EML6: variants seen among roughly 807,000 people sequenced by gnomAD.
EML6 encodes EMAP like 6.
A neutral mutation model predicts 240.1 loss-of-function variants in EML6; 154 were observed. The ratio of observed to expected loss-of-function variants is 0.64; its 90% CI spans 0.56 to 0.73. EML6 has a LOEUF of 0.73. Among genes scored for constraint, EML6 ranks in the 30% least tolerant of loss-of-function variants. The pLI is 0.00. For missense variants in EML6, 2,964 were observed against 2,474.6 expected, an observed-to-expected ratio of 1.20 and a Z score of -4.20; for synonymous variants, 1,148 against 899.0, an observed-to-expected ratio of 1.28 and a Z score of -4.95.
At chr2:54,925,498 G>A (rs1674495217) in intron 26 of EML6, among the ~76,000 whole-genome samples, 1 of 152,170 alleles carries the variant, frequency 6.6e-6, no homozygotes, top group Admixed American at 6.5e-5. Context: ...AGTTCCGTTT[G>A]TTGGCTGCTA....
intron 31 of EML6, among the ~76,000 whole-genome samples, chr2:54,953,683 T>A (rs1419002846): frequency 1.3e-5 from 2 of 152,218 alleles, no homozygotes; most frequent in African/African-American, 4.8e-5. Context: ...GGTCAGGAGT[T>A]TGAGACCAGC....
intron 5 of EML6, among the ~76,000 whole-genome samples, chr2:54,825,133 T>C (rs1256760187): frequency 6.6e-6 from 1 of 152,154 alleles, no homozygotes. Flanking sequence ...TGTCTGGAAA[T>C]ATTCAGATAA....
At chr2:54,943,018 C>T (rs1235102530) in intron 28 of EML6, among the ~76,000 whole-genome samples, 1 of 152,140 alleles carries the variant, frequency 6.6e-6, no homozygotes, top group African/African-American at 2.4e-5. Context: ...CAGATGGCCA[C>T]CACCAGAGAG....
intron 2 of EML6, among the ~76,000 whole-genome samples, chr2:54,803,619 G>C (rs1670297577): frequency 6.6e-6 from 1 of 152,192 alleles, no homozygotes. Flanking sequence ...TGAGGGAATT[G>C]TTAAGTTAAA....
chr2:54,891,745 A>G (rs1672479040), intron 18 of EML6, among the ~76,000 whole-genome samples: 1 of 152,176 alleles, frequency 6.6e-6, no homozygotes. Flanking sequence ...CAAAATGTGA[A>G]TAAGGTTCTG....
intron 25 of EML6, 111 bp from the exon 26 acceptor site, chr2:54,916,648 A>G (rs1209829421): frequency 4.9e-6 from 4 of 817,774 alleles, no homozygotes; most frequent in Non-Finnish European, 7.2e-6. Flanking sequence ...CACTCAACAC[A>G]AATGCCTAAC....
At chr2:54,866,361 T>A (rs1011049208) in intron 13 of EML6, among the ~76,000 whole-genome samples, 2 of 152,184 alleles carry the variant, frequency 1.3e-5, no homozygotes, top group Non-Finnish European at 2.9e-5. Context: ...ATGAAGTGAA[T>A]GTGATTCCAA....
intron 24 of EML6, among the ~76,000 whole-genome samples, chr2:54,907,929 T>TA (rs11449758): frequency 2.2e-5 from 1 of 46,364 alleles, no homozygotes; most frequent in Non-Finnish European, 5.0e-5. Context: ...GATAGATAGA[T>TA]AGATAGATAG....
intron 26 of EML6, among the ~76,000 whole-genome samples, chr2:54,926,993 C>T (rs1476297649): frequency 6.6e-6 from 1 of 152,206 alleles, no homozygotes; most frequent in Non-Finnish European, 1.5e-5. Flanking sequence ...TGGATGTGCT[C>T]CTGCTTCCAG....
chr2:54,738,995 C>T (rs1392288428), intron 2 of EML6, among the ~76,000 whole-genome samples: 2 of 152,160 alleles, frequency 1.3e-5, no homozygotes, highest in Non-Finnish European at 2.9e-5. Flanking sequence ...GTAATCCCAG[C>T]ACTTTGGGAG....
intron 5 of EML6, among the ~76,000 whole-genome samples, chr2:54,823,746 G>A (rs1005575783): frequency 6.6e-6 from 1 of 152,024 alleles, no homozygotes; most frequent in Non-Finnish European, 1.5e-5. Flanking sequence ...CAGGACCCTA[G>A]GGGGTTAGGT....
At chr2:54,910,429 C>G (rs1393880445) in intron 24 of EML6, among the ~76,000 whole-genome samples, 1 of 152,160 alleles carries the variant, frequency 6.6e-6, no homozygotes, top group Non-Finnish European at 1.5e-5. Context: ...TTCAAATGTT[C>G]AAGTAAGACC....
rs777759461 is a variant in EML6 at position 54,959,224 on chromosome 2, C to T, written c.4816C>T (p.Arg1606Trp). Residue 1606 changes from arginine (R) to tryptophan (W), a missense_variant, in exon 34 of 42, where the codon CGG becomes TGG. Arg to Trp is a moderately radical substitution (Grantham distance 101). Coordinates refer to ENST00000356458, the MANE Select transcript of EML6 (RefSeq NM_001039753.4). ...CGTGTTCACAATGTACACAACCCTT[C>T]GGGATGGACTCATAGTGACCGGCGG... ...GPVFTMYTTL[R>W]DGLIVTGGKE... is the part of the protein sequence containing the mutation. 2.8e-5 allele frequency: 44 copies of T among 1,550,170 alleles called. No homozygotes were observed. Among genetic ancestry groups the T allele is most frequent in the South Asian group, 9.5e-5 (8 of 83,804 alleles).
intron 28 of EML6, among the ~76,000 whole-genome samples, chr2:54,945,104 ACTCCTCCCTCT>A (rs1195205282): frequency 4.2e-5 from 1 of 23,994 alleles, no homozygotes; most frequent in Non-Finnish European, 8.1e-5. Context: ...CTCCTCTCCC[ACTCCTCCCTCT>A]CTCCTCCCAT....
Position 54,806,612 on chromosome 2 carries a change from C to CAAAAAAAAAAAAAAAA in EML6, c.198-6603_198-6588dup. Among the ~76,000 whole-genome samples the CAAAAAAAAAAAAAAAA allele has an allele frequency of 8.5e-4, 45 of 52,862 alleles. 1 individual carries two copies. Among genetic ancestry groups the CAAAAAAAAAAAAAAAA allele is most frequent in the East Asian group, 2.1e-3 (4 of 1,882 alleles). The allele number at this position is 52,862 out of a possible 152,430, so 34.7% of individuals were successfully genotyped here. ...TGGGCAACAAGAGTGACTCCGTCTCCAAAAAAAAAAAAAAAAAAAAAAAAA... is the reference window on the plus strand; with the variant it reads ...TGGGCAACAAGAGTGACTCCGTCTCCAAAAAAAAAAAAAAAAAAAAAAAAAAAAAAAAAAAAAAAAA... On this transcript the variant is annotated intron_variant, in intron 2 of 41. Coordinates refer to ENST00000356458, the MANE Select transcript of EML6 (RefSeq NM_001039753.4).
At chr2:54,773,864 G>C (rs1348585716) in intron 2 of EML6, among the ~76,000 whole-genome samples, 1 of 152,220 alleles carries the variant, frequency 6.6e-6, no homozygotes, top group Non-Finnish European at 1.5e-5. Context: ...TGTGGCATGA[G>C]AGCATAAGCT....
At chr2:54,955,423 C>A (rs1573212735) in intron 32 of EML6, among the ~76,000 whole-genome samples, 1 of 152,178 alleles carries the variant, frequency 6.6e-6, no homozygotes, top group Non-Finnish European at 1.5e-5. Flanking sequence ...TGAATACTTT[C>A]AAGGATGTGG....
intron 31 of EML6, among the ~76,000 whole-genome samples, chr2:54,953,417 C>T (rs574860484): frequency 1.3e-5 from 2 of 152,162 alleles, no homozygotes; most frequent in Non-Finnish European, 2.9e-5. Context: ...AGATACAAAT[C>T]ATTGACCTCA....
intron 2 of EML6, among the ~76,000 whole-genome samples, chr2:54,770,638 C>T (rs956589546): frequency 2.6e-5 from 4 of 152,190 alleles, no homozygotes; most frequent in African/African-American, 9.6e-5. Context: ...CTTCTCTTGC[C>T]ACCATTCCAC....
Sources: allele counts gnomAD v4.1 joint callset (sites outside exome capture counted in the v4.1 genomes callset), GRCh38; gene constraint gnomAD v4.1.1; transcripts MANE v1.5; gene names NCBI Gene and HGNC (gene_info 2026-07-23, HGNC 2026-07-21).